COL23A1: variants seen among roughly 807,000 people sequenced by gnomAD.
The protein encoded by COL23A1 is collagen type XXIII alpha 1 chain.
In COL23A1, 97 loss-of-function variants were observed where a neutral mutation model predicts 99.3. That is an observed-to-expected ratio of 0.98 (90% confidence interval 0.83 to 1.16). The LOEUF (loss-of-function observed/expected upper bound fraction) is 1.16, where lower values mean the gene tolerates loss of function less well. COL23A1 is among the 50% of genes most tolerant of loss of function. The pLI is 0.00. For synonymous variants in COL23A1, 320 were observed against 308.2 expected (o/e 1.04, Z -0.40); for missense variants, 762 against 757.4 (o/e 1.01, Z -0.07).
chr5:178,517,268 G>C (rs898526708), intron 2 of COL23A1, among the ~76,000 whole-genome samples: 4 of 152,180 alleles, frequency 2.6e-5, no homozygotes, highest in African/African-American at 9.7e-5. Context: ...TGGATAAGTG[G>C]ATAAAAGCAA....
intron 2 of COL23A1, among the ~76,000 whole-genome samples, chr5:178,537,962 T>C (rs1324298651): frequency 6.6e-6 from 1 of 152,202 alleles, no homozygotes; most frequent in Non-Finnish European, 1.5e-5. Flanking sequence ...GTACCTCCTA[T>C]GAGTGGAATC....
intron 1 of COL23A1, among the ~76,000 whole-genome samples, chr5:178,570,477 C>T (rs1763039391): frequency 6.6e-6 from 1 of 152,072 alleles, no homozygotes; most frequent in Non-Finnish European, 1.5e-5. Flanking sequence ...ATATGTTTTT[C>T]TACATTAGTA....
chr5:178,526,368 G>A (rs1760310064), intron 2 of COL23A1, among the ~76,000 whole-genome samples: 1 of 152,214 alleles, frequency 6.6e-6, no homozygotes, highest in African/African-American at 2.4e-5. Flanking sequence ...GGGACATGTA[G>A]CTGTGGCTGG....
intron 3 of COL23A1, among the ~76,000 whole-genome samples, chr5:178,303,402 T>G (rs1462768192): frequency 6.6e-6 from 1 of 152,244 alleles, no homozygotes; most frequent in Non-Finnish European, 1.5e-5. Flanking sequence ...ATTTCCTGAA[T>G]AAACATTTCT....
chr5:178,254,507 C>T (rs1765202338), intron 16 of COL23A1, among the ~76,000 whole-genome samples: 1 of 152,164 alleles, frequency 6.6e-6, no homozygotes, highest in Admixed American at 6.5e-5. Flanking sequence ...GTGGTAAGTC[C>T]CAAGTTTACC....
intron 2 of COL23A1, among the ~76,000 whole-genome samples, chr5:178,398,379 C>A (rs1046399633): frequency 6.6e-6 from 1 of 152,222 alleles, no homozygotes; most frequent in Non-Finnish European, 1.5e-5. Flanking sequence ...GTAATCCCAG[C>A]ACTTTGAGAG....
Position 178,420,647 on chromosome 5 carries a change from C to T in COL23A1, c.362-113728G>A, listed in dbSNP as rs200751143. 3.4e-4 allele frequency among the ~76,000 whole-genome samples: 18 copies of T among 52,284 alleles called. No individual in the cohort carries two copies. In the East Asian group the frequency reaches 5.2e-3, roughly 15 times the overall value. 34.3% of individuals were successfully genotyped at this position (52,284 alleles called of 152,430 possible). A position where few individuals can be genotyped will look rare whatever the true frequency, so the allele number is the denominator to read the frequency against. On this transcript the variant is annotated intron_variant, in intron 2 of 28. Coordinates refer to ENST00000390654, the MANE Select transcript of COL23A1 (RefSeq NM_173465.4). ...CCCCTCCCTGAGATGTGACCTCCCTCCTCCCCTGCCCCTCCTCTCTTTCCC... is the reference window on the plus strand; with the variant it reads ...CCCCTCCCTGAGATGTGACCTCCCTTCTCCCCTGCCCCTCCTCTCTTTCCC...
At chr5:178,311,757 GT>G (rs1758703231) in intron 2 of COL23A1, among the ~76,000 whole-genome samples, 2 of 126,088 alleles carry the variant, frequency 1.6e-5, no homozygotes, top group Admixed American at 1.9e-4. Context: ...TTGAGACGGA[GT>G]CTCACTCTGT....
At chr5:178,504,594 G>C (rs1713569572) in intron 2 of COL23A1, among the ~76,000 whole-genome samples, 1 of 152,242 alleles carries the variant, frequency 6.6e-6, no homozygotes, top group African/African-American at 2.4e-5. Context: ...TGGACTGGAA[G>C]TGGGTGTGGG....
chr5:178,438,249 G>T (rs866084552), intron 2 of COL23A1, among the ~76,000 whole-genome samples: 36 of 152,336 alleles, frequency 2.4e-4, no homozygotes, highest in African/African-American at 8.4e-4. Flanking sequence ...GCACAGCTCT[G>T]GCCCCTCCTC....
chr5:178,573,910 G>A (rs2113671858), intron 1 of COL23A1, among the ~76,000 whole-genome samples: 1 of 151,990 alleles, frequency 6.6e-6, no homozygotes, highest in Non-Finnish European at 1.5e-5. Context: ...CCAGGCTGGA[G>A]TACAGTGATG....
At position 178,280,456 on chromosome 5, in the gene COL23A1, A is replaced by G. The variant is rs1756835995; in HGVS notation, c.441+7868T>C. Among the ~76,000 whole-genome samples the G allele has an allele frequency of 6.6e-6, 1 of 152,158 alleles. No homozygotes were observed. Among genetic ancestry groups the G allele is most frequent in the Non-Finnish European group, 1.5e-5 (1 of 68,020 alleles). On this transcript the variant is annotated intron_variant, in intron 5 of 28. Coordinates refer to ENST00000390654, the MANE Select transcript of COL23A1 (RefSeq NM_173465.4). This position sits in a 1 kb window ranked among gnomAD's most constrained non-coding sequence, Gnocchi z 4.9. ...ACGTGCCTGAGGCCACATGGACTAT[A>G]GACCCCTGGGCCCATTCTGTCTCCA...
chr5:178,300,152 G>A (rs962096237), intron 3 of COL23A1, among the ~76,000 whole-genome samples: 2 of 151,704 alleles, frequency 1.3e-5, no homozygotes, highest in African/African-American at 2.4e-5. Flanking sequence ...TGCAACCTCC[G>A]CTCCTCCAGG....
chr5:178,586,041 T>A (rs1763987198), intron 1 of COL23A1, among the ~76,000 whole-genome samples: 1 of 152,176 alleles, frequency 6.6e-6, no homozygotes, highest in Non-Finnish European at 1.5e-5. Flanking sequence ...CCCAGGCTAC[T>A]CTTGGGTGAA....
chr5:178,559,443 C>T (rs529764232), intron 2 of COL23A1, among the ~76,000 whole-genome samples: 1 of 150,982 alleles, frequency 6.6e-6, no homozygotes, highest in East Asian at 2.0e-4. Context: ...ACTCAAAAGC[C>T]ACCTTTCCCT....
At chr5:178,488,328 G>A (rs986232759) in intron 2 of COL23A1, among the ~76,000 whole-genome samples, 6 of 152,144 alleles carry the variant, frequency 3.9e-5, no homozygotes, top group Non-Finnish European at 5.9e-5. Context: ...ATGGGGAGCT[G>A]CTGAATTTTC....
chr5:178,349,800 G>A (rs578080510), intron 2 of COL23A1, among the ~76,000 whole-genome samples: 10 of 152,318 alleles, frequency 6.6e-5, no homozygotes, highest in African/African-American at 2.4e-4. Context: ...GGGGAGGTCT[G>A]TGTGGCTTCA....
chr5:178,349,195 T>C (rs1414236585), intron 2 of COL23A1, among the ~76,000 whole-genome samples: 1 of 151,920 alleles, frequency 6.6e-6, no homozygotes, highest in Admixed American at 6.6e-5. Context: ...CATGCTTGGA[T>C]TTTTTTCCCC....
chr5:178,518,244 A>G (rs1192761572), intron 2 of COL23A1, among the ~76,000 whole-genome samples: 18 of 145,578 alleles, frequency 1.2e-4, no homozygotes, highest in Admixed American at 1.2e-3. Context: ...ATCCCAAGGC[A>G]GAGGAATTTT....
Sources: gnomAD v4.1 joint callset for allele counts (sites outside exome capture counted in the v4.1 genomes callset) on GRCh38, gnomAD v4.1.1 for gene constraint, Gnocchi (gnomAD v3.1) non-coding constraint, MANE v1.5 for transcripts, NCBI Gene and HGNC (gene_info 2026-07-23, HGNC 2026-07-21) for gene names.